Variants in CLIP1 observed in about 807,000 individuals in gnomAD.
CLIP1 encodes the protein CAP-Gly domain-containing linker protein 1.
Under a neutral mutation model 161.6 loss-of-function variants are expected in CLIP1, and 66 were observed. That is an observed-to-expected ratio of 0.41 (90% CI 0.33 to 0.50). The LOEUF is 0.50. Ranked by LOEUF, CLIP1 falls within the 20% of genes least tolerant of loss-of-function variation. The probability of loss-of-function intolerance (pLI) is 0.27; values close to 1 mark genes in which losing one functional copy is unlikely to be tolerated. For missense variants in CLIP1, 1,376 were observed against 1,702.0 expected, an observed-to-expected ratio of 0.81 and a Z score of 3.37; for synonymous variants, 598 against 626.2, an observed-to-expected ratio of 0.96 and a Z score of 0.67.
At chr12:122,293,773 C>T (rs1163963321) in intron 20 of CLIP1, among the ~76,000 whole-genome samples, 5 of 149,532 alleles carry the variant, frequency 3.3e-5, no homozygotes, top group Non-Finnish European at 5.9e-5. Context: ...TTACCGTGCC[C>T]GGCCTGAGAA....
intron 10 of CLIP1, among the ~76,000 whole-genome samples, chr12:122,344,421 G>A (rs1952649989): frequency 7.2e-6 from 1 of 139,162 alleles, no homozygotes; most frequent in African/African-American, 2.7e-5. Flanking sequence ...TCAGGATCTG[G>A]CAGAATTTGC....
chr12:122,365,690 A>AG, intron 3 of CLIP1: 2 of 673,928 alleles, frequency 3.0e-6, no homozygotes, highest in South Asian at 3.4e-5. Flanking sequence ...AAAAAAAAAA[A>AG]AAGAAAGAAC....
chr12:122,299,329 C>A (rs1950588418), intron 20 of CLIP1, among the ~76,000 whole-genome samples: 1 of 151,854 alleles, frequency 6.6e-6, no homozygotes, highest in Admixed American at 6.6e-5. Context: ...CTAGAGAAGT[C>A]TAGAGGAAGG....
chr12:122,271,760 G>A lies in CLIP1; in HGVS notation c.*1115C>T, dbSNP rs1225224263. 1 of 152,582 alleles carries A rather than the reference G, an allele frequency of 6.6e-6. No individual in the cohort carries two copies. The highest frequency in any genetic ancestry group is 1.5e-5 in the Non-Finnish European group (1 of 68,044). 9.5% of individuals were successfully genotyped at this position (152,582 alleles called of 1,614,324 possible). ...CGATAAACTGTTCAGGTGCTTTGAG[G>A]TCCTTCATTTTCTTTTTTGTGATAA... On this transcript the variant is annotated 3_prime_UTR_variant, in exon 26 of 26. Transcript: ENST00000620786.
chr12:122,340,090 T>C (rs1195567232), intron 11 of CLIP1, among the ~76,000 whole-genome samples: 2 of 151,818 alleles, frequency 1.3e-5, no homozygotes, highest in Non-Finnish European at 2.9e-5. Context: ...TTTTTTTTTT[T>C]TCCTTTAGAC....
Position 122,309,803 on chromosome 12 carries a change from C to T in CLIP1, c.3553G>A (p.Glu1185Lys). 1 of 1,613,408 alleles carries T rather than the reference C, an allele frequency of 6.2e-7. No homozygotes were observed. The highest frequency in any genetic ancestry group is 1.1e-5 in the South Asian group (1 of 91,042). Residue 1185 changes from glutamate (E) to lysine (K), a missense_variant, in exon 20 of 26, where the codon GAG becomes AAG. Glu to Lys is a moderately conservative substitution (Grantham distance 56). Coordinates refer to ENST00000620786, the MANE Select transcript of CLIP1 (RefSeq NM_001247997.2). Reference sequence around the variant, plus strand: ...ACTTCGTCCCTGCTTCTCCCCAGCTCCTCAGCAAGTTTAACGTTCTCTTCT... The same window carrying T: ...ACTTCGTCCCTGCTTCTCCCCAGCTTCTCAGCAAGTTTAACGTTCTCTTCT... ...LQEENVKLAEELGRSRDEVTS... is the reference protein window; with the variant it reads ...LQEENVKLAEKLGRSRDEVTS...
In CLIP1 at chr12:122,354,412, G is replaced by C. The variant is rs371273874; in HGVS notation, c.1307+41C>G. 2.6e-6 allele frequency: 4 copies of C among 1,526,566 alleles called. No homozygotes were observed. In the African/African-American group the frequency reaches 5.5e-5, roughly 21 times the overall value. The allele number at this position is 1,526,566 out of a possible 1,614,324, so 94.6% of individuals were successfully genotyped here. ...TCTGTCTCAAAAACAAAAAAAAAGG[G>C]GGAAAGGCCACACTTGCACCAGGAA... On this transcript the variant is annotated intron_variant, in intron 7 of 25. Coordinates refer to ENST00000620786, the MANE Select transcript of CLIP1 (RefSeq NM_001247997.2).
In CLIP1 at chr12:122,377,973, GATC is replaced by G; in HGVS notation, c.86-16_86-14del. On this transcript the variant is annotated splice_polypyrimidine_tract_variant and intron_variant, in intron 2 of 25. Transcript: ENST00000620786. ...ACTGGAGCTACAACTGAAAACAAAA[GATC>G]ATAAGAGATTCGATTTAATTTTCAA... is the stretch of plus-strand genomic sequence containing the variant. The G allele has an allele frequency of 1.3e-6, 2 of 1,565,566 alleles. No individual in the cohort carries two copies. The highest frequency in any genetic ancestry group is 2.4e-5 in the South Asian group (2 of 82,576).
chr12:122,316,781 C>G lies in CLIP1; in HGVS notation c.3441G>C (p.Glu1147Asp). 1 of 1,583,078 alleles carries G rather than the reference C, an allele frequency of 6.3e-7. No homozygotes were observed. ...LNKSKELLTV[E>D]NQKMEEFRKE... ...TCCTAAATTCTTCCATTTTTTGATT[C>G]TCTACAGTCAGGAGTTCTTTTGATT... Residue 1147 changes from glutamate to aspartate, a missense_variant, in exon 19 of 26, where the codon GAG (glutamate) becomes GAC (aspartate). Coordinates refer to ENST00000620786, the MANE Select transcript of CLIP1 (RefSeq NM_001247997.2).
At chr12:122,333,961 A>C in intron 14 of CLIP1, 66 bp downstream of exon 14, 1 of 951,224 alleles carries the variant, frequency 1.1e-6, no homozygotes, top group Non-Finnish European at 1.7e-6. Context: ...GTAACATACT[A>C]CAACTGTCTC....
At chr12:122,412,479 AC>A (rs1413970122) in intron 1 of CLIP1, among the ~76,000 whole-genome samples, 11 of 151,214 alleles carry the variant, frequency 7.3e-5, no homozygotes, top group Admixed American at 7.2e-4. Context: ...ACATGGCGAA[AC>A]CCCGTCTCTA....
intron 25 of CLIP1, 89 bp from the exon 26 acceptor site, chr12:122,273,189 G>T: frequency 9.5e-7 from 1 of 1,057,042 alleles, no homozygotes; most frequent in Non-Finnish European, 1.4e-6. Context: ...AATTAAGCAA[G>T]AACTAATTAT....
At chr12:122,302,974 T>C (rs900080094) in intron 20 of CLIP1, among the ~76,000 whole-genome samples, 23 of 152,032 alleles carry the variant, frequency 1.5e-4, no homozygotes, top group African/African-American at 5.3e-4. Flanking sequence ...TCAAACAGTC[T>C]CCTGGCTTGG....
In CLIP1 at chr12:122,354,654, G is replaced by C. The variant is rs1057288898; in HGVS notation, c.1204-98C>G. ...GAGCTGTGGGTCACCATGGTGGGTG[G>C]GCGTTACTCTAAAACCTTATGTTAA... On this transcript the variant is annotated intron_variant, in intron 6 of 25. Transcript: ENST00000620786. 6.7e-6 allele frequency: 6 copies of C among 893,366 alleles called. No homozygotes were observed. In the Admixed American group the frequency reaches 1.2e-4, roughly 18 times the overall value. The allele number at this position is 893,366 out of a possible 1,614,324, so 55.3% of individuals were successfully genotyped here. A position where few individuals can be genotyped will look rare whatever the true frequency, so the allele number is the denominator to read the frequency against.
intron 1 of CLIP1, among the ~76,000 whole-genome samples, chr12:122,384,806 CTT>C (rs200917118): frequency 2.9e-5 from 4 of 140,072 alleles, no homozygotes; most frequent in Admixed American, 7.2e-5. Context: ...TCTCCAGTTT[CTT>C]TTTTTTTTTT....
chr12:122,405,897 CCT>C (rs1956311337), intron 1 of CLIP1, among the ~76,000 whole-genome samples: 1 of 152,012 alleles, frequency 6.6e-6, no homozygotes, highest in Non-Finnish European at 1.5e-5. Flanking sequence ...GGTGAAACCC[CCT>C]CTCTACTAAA....
chr12:122,395,378 T>C (rs544387384), intron 1 of CLIP1: 26 of 152,260 alleles, frequency 1.7e-4, no homozygotes, highest in Non-Finnish European at 2.9e-4. Context: ...ATCTAGAATA[T>C]GAAAATAGTA....
chr12:122,405,982 G>T (rs1400348519), intron 1 of CLIP1, among the ~76,000 whole-genome samples: 1 of 151,528 alleles, frequency 6.6e-6, no homozygotes, highest in Non-Finnish European at 1.5e-5. Flanking sequence ...CAGGAGAATC[G>T]CTTGAATCCG....
intron 2 of CLIP1, among the ~76,000 whole-genome samples, chr12:122,378,982 G>T (rs141198652): frequency 6.6e-6 from 1 of 151,832 alleles, no homozygotes; most frequent in African/African-American, 2.4e-5. Flanking sequence ...AAAATTAGCC[G>T]GGCATGGTGG....
Sources: allele counts gnomAD v4.1 joint callset (sites outside exome capture counted in the v4.1 genomes callset), GRCh38; gene constraint gnomAD v4.1.1; transcripts MANE v1.5; gene names NCBI Gene and HGNC (gene_info 2026-07-23, HGNC 2026-07-21).